TCF4: variants seen among roughly 807,000 people sequenced by gnomAD.
TCF4 encodes the protein transcription factor 4, also known as SL3-3 enhancer factor 2.
A neutral mutation model predicts 82.1 loss-of-function variants in TCF4; 3 were observed. The observed-to-expected ratio is 0.04, with a 90% CI of 0.02 to 0.09. The LOEUF is 0.09. TCF4 is among the 10% of genes least tolerant of loss of function. The pLI, the probability that TCF4 is intolerant of heterozygous loss-of-function variation, is 1.00. For synonymous variants in TCF4, 276 were observed against 309.6 expected (o/e 0.89, Z 1.14); for missense variants, 518 against 852.7 (o/e 0.61, Z 4.89).
At chr18:55,526,184 CT>C (rs2096981757) in intron 3 of TCF4, among the ~76,000 whole-genome samples, 1 of 152,190 alleles carries the variant, frequency 6.6e-6, no homozygotes, top group Non-Finnish European at 1.5e-5. Context: ...ATGTGCCCCA[CT>C]TCAGGAAACA....
intron 3 of TCF4, among the ~76,000 whole-genome samples, chr18:55,525,451 G>C (rs867507631): frequency 7.9e-5 from 12 of 152,044 alleles, no homozygotes; most frequent in Non-Finnish European, 1.5e-4. Flanking sequence ...AAGTAAATTC[G>C]AGGGCCATAT....
At chr18:55,472,422 T>C (rs1468061746) in intron 3 of TCF4, among the ~76,000 whole-genome samples, 4 of 152,176 alleles carry the variant, frequency 2.6e-5, no homozygotes, top group Non-Finnish European at 4.4e-5. Context: ...CTTGAATATA[T>C]AATGTGAAAT....
intron 6 of TCF4, among the ~76,000 whole-genome samples, chr18:55,389,629 T>C (rs764116673): frequency 6.6e-6 from 1 of 151,988 alleles, no homozygotes; most frequent in African/African-American, 2.4e-5. Flanking sequence ...AGCAGCTCAG[T>C]AGGGCTGGAA....
At chr18:55,277,837 C>G (rs573066404) in intron 9 of TCF4, among the ~76,000 whole-genome samples, 2 of 152,270 alleles carry the variant, frequency 1.3e-5, no homozygotes, top group African/African-American at 4.8e-5. Context: ...AGTTGCCAAT[C>G]TCTGTAAGCT....
At chr18:55,510,921 A>G (rs528315008) in intron 3 of TCF4, 5 of 367,832 alleles carry the variant, frequency 1.4e-5, no homozygotes, top group African/African-American at 4.3e-5. Flanking sequence ...ATCTCTGCCA[A>G]ACAGAGGTCT....
intron 5 of TCF4, among the ~76,000 whole-genome samples, chr18:55,430,574 C>T (rs894638799): frequency 6.6e-6 from 1 of 152,088 alleles, no homozygotes; most frequent in African/African-American, 2.4e-5. Flanking sequence ...GGAATCAAAC[C>T]CTACTGGGAC....
At chr18:55,355,269 T>A (rs1466781939) in intron 6 of TCF4, among the ~76,000 whole-genome samples, 2 of 152,320 alleles carry the variant, frequency 1.3e-5, no homozygotes, top group Non-Finnish European at 2.9e-5. Flanking sequence ...ACACATTGAG[T>A]GAAATTACAA....
chr18:55,381,073 T>TA (rs1270197582), intron 6 of TCF4, among the ~76,000 whole-genome samples: 1 of 152,184 alleles, frequency 6.6e-6, no homozygotes, highest in African/African-American at 2.4e-5. Flanking sequence ...GTTAATTAAC[T>TA]AAAAAATAAT....
rs565280246 is a variant in TCF4 at position 55,381,517 on chromosome 18, C to T, written c.369+21937G>A. Among the ~76,000 whole-genome samples the T allele has an allele frequency of 1.6e-3, 242 of 152,334 alleles. 1 individual carries two copies. The highest frequency in any genetic ancestry group is 5.6e-3 in the African/African-American group (232 of 41,584). On this transcript the variant is annotated intron_variant, in intron 6 of 19. Transcript: ENST00000354452. ...TAAATATGACCAAATGGTGCTACTGCAGCATAAAGTGTGGCATATATTAAA... is the reference window on the plus strand; with the variant it reads ...TAAATATGACCAAATGGTGCTACTGTAGCATAAAGTGTGGCATATATTAAA...
intron 3 of TCF4, among the ~76,000 whole-genome samples, chr18:55,475,593 A>G (rs749807210): frequency 6.6e-6 from 1 of 152,260 alleles, no homozygotes; most frequent in South Asian, 2.1e-4. Context: ...ACAAAAATGT[A>G]TAAGGTAAAA....
chr18:55,405,251 A>T (rs1411070386), intron 5 of TCF4, among the ~76,000 whole-genome samples: 2 of 152,208 alleles, frequency 1.3e-5, no homozygotes, highest in African/African-American at 4.8e-5. Context: ...TCCTTCCTTA[A>T]GCTCTTGCAT....
chr18:55,515,709 A>T (rs1187075275), intron 3 of TCF4, among the ~76,000 whole-genome samples: 1 of 152,210 alleles, frequency 6.6e-6, no homozygotes, highest in African/African-American at 2.4e-5. Context: ...TTGTGGAAAG[A>T]AGCCAGATCA....
At chr18:55,283,574 G>A (rs1004604125) in intron 8 of TCF4, among the ~76,000 whole-genome samples, 1 of 152,132 alleles carries the variant, frequency 6.6e-6, no homozygotes, top group African/African-American at 2.4e-5. Flanking sequence ...ATTATTAATA[G>A]TATCTGCCCT....
chr18:55,322,424 A>AT, intron 8 of TCF4: 1 of 903,696 alleles, frequency 1.1e-6, no homozygotes, highest in Non-Finnish European at 1.3e-6. Flanking sequence ...AGGGGAGGGA[A>AT]GAAAAAAAAA....
chr18:55,389,749 A>G (rs1325826379), intron 6 of TCF4, among the ~76,000 whole-genome samples: 1 of 152,112 alleles, frequency 6.6e-6, no homozygotes, highest in East Asian at 1.9e-4. Context: ...TGTTTTGTGG[A>G]GACTGTCACT....
intron 8 of TCF4, among the ~76,000 whole-genome samples, chr18:55,315,957 A>G (rs962315231): frequency 6.6e-6 from 1 of 152,074 alleles, no homozygotes; most frequent in Non-Finnish European, 1.5e-5. Context: ...AGTAATCAAT[A>G]ATGTTTATCA....
rs374509475 is a variant in TCF4 at position 55,242,830 on chromosome 18, G to A, written c.1351-8147C>T. ...TCACCATGTTGGCTAGGCTGGTCTC[G>A]AACTCCTGAACTTGTGATCCTCCCG... On this transcript the variant is annotated intron_variant, in intron 15 of 19. Transcript: ENST00000354452. Among the ~76,000 whole-genome samples the A allele has an allele frequency of 1.7e-4, 26 of 152,174 alleles. 1 individual carries two copies. In the East Asian group the frequency reaches 4.8e-3, roughly 28 times the overall value.
intron 8 of TCF4, among the ~76,000 whole-genome samples, chr18:55,282,680 C>A (rs998683408): frequency 6.6e-6 from 1 of 151,994 alleles, no homozygotes; most frequent in Non-Finnish European, 1.5e-5. Flanking sequence ...CATCCCAGAT[C>A]TCTTCAAAGA....
intron 9 of TCF4, among the ~76,000 whole-genome samples, chr18:55,278,117 G>A (rs1160180419): frequency 6.6e-6 from 1 of 152,070 alleles, no homozygotes; most frequent in Non-Finnish European, 1.5e-5. Context: ...AATTTCACAC[G>A]TGAACTAACA....
Sources: gnomAD v4.1 joint callset for allele counts (sites outside exome capture counted in the v4.1 genomes callset) on GRCh38, gnomAD v4.1.1 for gene constraint, MANE v1.5 for transcripts, NCBI Gene and HGNC (gene_info 2026-07-23, HGNC 2026-07-21) for gene names.